CUBN: variants seen among roughly 807,000 people sequenced by gnomAD.
The protein encoded by CUBN is 460 kDa receptor.
A neutral mutation model predicts 405.3 loss-of-function variants in CUBN; 282 were observed. The observed-to-expected ratio is 0.70, with a 90% confidence interval of 0.63 to 0.77. The LOEUF (loss-of-function observed/expected upper bound fraction) is 0.77, where lower values mean the gene tolerates loss of function less well. Ranked by LOEUF, CUBN falls within the 30% of genes least tolerant of loss-of-function variation. CUBN has a pLI of 0.00. For missense variants in CUBN, 4,514 were observed against 4,475.2 expected (o/e 1.01, Z -0.25); for synonymous variants, 1,684 against 1,617.0 (o/e 1.04, Z -0.99).
intron 14 of CUBN, among the ~76,000 whole-genome samples, chr10:17,096,597 TA>T (rs1268100056): frequency 2.6e-5 from 4 of 152,030 alleles, no homozygotes; most frequent in Non-Finnish European, 5.9e-5. Context: ...ATAAAGCAAA[TA>T]TTTTTTTAAA....
chr10:17,034,941 G>C (rs144227213), intron 27 of CUBN, among the ~76,000 whole-genome samples: 68 of 152,192 alleles, frequency 4.5e-4, no homozygotes, highest in African/African-American at 1.5e-3. Context: ...GCAAAGAAGT[G>C]GTTGTTAATA....
At chr10:16,888,366 A>G (rs765934723) in intron 56 of CUBN, 51 bp downstream of exon 56, 5 of 1,424,280 alleles carry the variant, frequency 3.5e-6, no homozygotes, top group Non-Finnish European at 4.9e-6. Flanking sequence ...CCATAAATAT[A>G]CAATTTTTGT....
chr10:16,855,969 GA>G (rs1249691506), intron 59 of CUBN, among the ~76,000 whole-genome samples: 1 of 152,110 alleles, frequency 6.6e-6, no homozygotes, highest in Non-Finnish European at 1.5e-5. Context: ...ATGTCTTTGA[GA>G]AAACGTAATG....
chr10:16,924,932 T>C (rs997937871), intron 43 of CUBN, among the ~76,000 whole-genome samples: 4 of 148,590 alleles, frequency 2.7e-5, no homozygotes, highest in African/African-American at 7.4e-5. Context: ...TGGAAAGGTC[T>C]AAGGAATTCC....
rs145053249 is a variant in CUBN, at chr10:16,921,855, G to A, written c.6647-1718C>T. ...CAGTCTAGATCCCTGTTCTGACCTC[G>A]AGATTCCTGTTCCGACCACTTACTG... On this transcript the variant is annotated intron_variant, in intron 43 of 66. Transcript: ENST00000377833. Among the ~76,000 whole-genome samples, 233 of 152,218 alleles carry A rather than the reference G, an allele frequency of 1.5e-3. 1 individual carries two copies. Among genetic ancestry groups the A allele is most frequent in the Non-Finnish European group, 2.9e-3 (196 of 68,004 alleles).
chr10:16,914,904 T>A (rs1841839731), intron 47 of CUBN, 128 bp downstream of exon 47: 1 of 817,618 alleles, frequency 1.2e-6, no homozygotes, highest in Non-Finnish European at 2.0e-6. Context: ...TGTGAATTTC[T>A]GATTAAGGTC....
intron 59 of CUBN, among the ~76,000 whole-genome samples, chr10:16,859,708 GA>G (rs1839962815): frequency 6.6e-6 from 1 of 152,116 alleles, no homozygotes; most frequent in African/African-American, 2.4e-5. Flanking sequence ...GATCTCCAAT[GA>G]AAGAAACATA....
intron 33 of CUBN, among the ~76,000 whole-genome samples, 156 bp from the exon 34 acceptor site, chr10:16,950,267 G>A (rs546339101): frequency 1.5e-4 from 23 of 152,242 alleles, no homozygotes; most frequent in Admixed American, 1.3e-3. Flanking sequence ...AATTGTAGTC[G>A]ATAATAACTT....
Position 16,841,052 on chromosome 10 carries a change from G to C in CUBN, c.9664-5C>G. ...TTCACTATCCCCATCATATAACTGA[G>C]AAGAAAAACAATTCATTACTTCTCC... On this transcript the variant is annotated splice_region_variant and splice_polypyrimidine_tract_variant and intron_variant, in intron 60 of 66. Coordinates refer to ENST00000377833, the MANE Select transcript of CUBN (RefSeq NM_001081.4). The C allele has an allele frequency of 6.2e-7, 1 of 1,613,684 alleles. No homozygotes were observed. Among genetic ancestry groups the C allele is most frequent in the Non-Finnish European group, 8.5e-7 (1 of 1,179,788 alleles).
chr10:16,849,392 G>A (rs1386296256), intron 60 of CUBN, among the ~76,000 whole-genome samples: 1 of 152,082 alleles, frequency 6.6e-6, no homozygotes, highest in Non-Finnish European at 1.5e-5. Flanking sequence ...CTCTAAGAAA[G>A]CATCCTTTCT....
At chr10:17,023,271 G>GA (rs34926620) in intron 27 of CUBN, among the ~76,000 whole-genome samples, 98,677 of 150,130 alleles carry the variant, frequency 0.66, 32,806 homozygotes, top group African/African-American at 0.77. Flanking sequence ...TTTTGCCTTT[G>GA]GGGGGAGAAA....
At chr10:16,898,764 G>A (rs1346174100) in intron 54 of CUBN, among the ~76,000 whole-genome samples, 1 of 152,014 alleles carries the variant, frequency 6.6e-6, no homozygotes, top group African/African-American at 2.4e-5. Flanking sequence ...TTTTGCCTGT[G>A]GTAGTGCCCT....
intron 27 of CUBN, among the ~76,000 whole-genome samples, chr10:17,031,136 A>G (rs12766939): frequency 0.23 from 34,587 of 152,068 alleles, 4,357 homozygotes; most frequent in Middle Eastern, 0.35. Context: ...ATCATTTGTC[A>G]TTTATCCTTA....
rs1836040628 is a variant in CUBN, at chr10:17,084,126, T to G, written c.2301+145A>C. 10 of 767,264 alleles carry G rather than the reference T, an allele frequency of 1.3e-5. No individual in the cohort carries two copies. In the East Asian group the frequency reaches 2.7e-4, roughly 20 times the overall value. The allele number at this position is 767,264 out of a possible 1,614,324, so 47.5% of individuals were successfully genotyped here. ...CCTTATTTGCCTGCACCTTAGTCAT[T>G]AGAGCTTAGTTATTATTGTATTTCT... On this transcript the variant is annotated intron_variant, in intron 17 of 66. Transcript: ENST00000377833.
chr10:17,113,068 C>T (rs1836806821), intron 8 of CUBN, among the ~76,000 whole-genome samples: 1 of 152,194 alleles, frequency 6.6e-6, no homozygotes, highest in South Asian at 2.1e-4. Context: ...GAGTTTGAGA[C>T]CAGCCTGGCC....
intron 39 of CUBN, among the ~76,000 whole-genome samples, chr10:16,936,065 C>T (rs1842495115): frequency 6.6e-6 from 1 of 151,916 alleles, no homozygotes; most frequent in Non-Finnish European, 1.5e-5. Flanking sequence ...CTCTTGACCC[C>T]TTACTTTCCT....
chr10:16,921,880 G>A (rs1434383351), intron 43 of CUBN, among the ~76,000 whole-genome samples: 1 of 152,124 alleles, frequency 6.6e-6, no homozygotes, highest in Admixed American at 6.5e-5. Context: ...ACCACTTACT[G>A]GGCATCTCCA....
chr10:17,056,082 T>C (rs1224410890), intron 22 of CUBN, among the ~76,000 whole-genome samples: 1 of 151,996 alleles, frequency 6.6e-6, no homozygotes, highest in Non-Finnish European at 1.5e-5. Context: ...TGTACAGCAG[T>C]GTGATGAAAT....
chr10:17,013,409 T>G (rs975448143), intron 28 of CUBN, among the ~76,000 whole-genome samples: 2 of 145,102 alleles, frequency 1.4e-5, no homozygotes, highest in African/African-American at 5.4e-5. Flanking sequence ...TGTCTCTCTC[T>G]TCCTCTCTCT....
Sources: gnomAD v4.1 joint callset for allele counts (sites outside exome capture counted in the v4.1 genomes callset) on GRCh38, gnomAD v4.1.1 for gene constraint, MANE v1.5 for transcripts, NCBI Gene and HGNC (gene_info 2026-07-23, HGNC 2026-07-21) for gene names.